CDHR3: variants seen among roughly 807,000 people sequenced by gnomAD.
The protein encoded by CDHR3 is cadherin related family member 3.
In CDHR3, 79 loss-of-function variants were observed where a neutral mutation model predicts 86.6. That is an observed-to-expected ratio of 0.91 (90% CI 0.76 to 1.10). The LOEUF (loss-of-function observed/expected upper bound fraction) is 1.10, where lower values mean the gene tolerates loss of function less well. CDHR3 is among the 50% of genes least tolerant of loss of function. The probability of loss-of-function intolerance (pLI) is 0.00; values close to 1 mark genes in which losing one functional copy is unlikely to be tolerated. For synonymous variants in CDHR3, 421 were observed against 402.4 expected (o/e 1.05, Z -0.55); for missense variants, 1,081 against 1,077.6 (o/e 1.00, Z -0.04).
intron 8 of CDHR3, among the ~76,000 whole-genome samples, chr7:106,012,285 T>C (rs971943462): frequency 1.1e-4 from 17 of 151,414 alleles, no homozygotes; most frequent in Non-Finnish European, 1.0e-4. Context: ...AAGAGGGGAA[T>C]AGGAGAGGAA....
At chr7:106,016,529 G>C (rs563763557) in intron 11 of CDHR3, among the ~76,000 whole-genome samples, 14 of 151,960 alleles carry the variant, frequency 9.2e-5, no homozygotes, top group African/African-American at 3.4e-4. Context: ...CCCCTTTAAG[G>C]AAAAGACTCA....
At chr7:105,984,651 C>G (rs1162626922) in intron 4 of CDHR3, among the ~76,000 whole-genome samples, 2 of 151,822 alleles carry the variant, frequency 1.3e-5, no homozygotes, top group Non-Finnish European at 2.9e-5. Context: ...CAAAACTGCT[C>G]AATATTTTAA....
Position 106,013,030 on chromosome 7 carries a change from TG to T in CDHR3, c.1224+1del. ...LQDPAGSGKI[V>X]LIGDLDYENP... ...GATCCAGCTGGCTCTGGGAAGATTGTGGTCAGTTAATGGTCATTGCATCATT... is the reference window on the plus strand; with the variant it reads ...GATCCAGCTGGCTCTGGGAAGATTGTGTCAGTTAATGGTCATTGCATCATT... On this transcript the variant is annotated frameshift_variant and splice_region_variant, in exon 9 of 19. Transcript: ENST00000317716. LOFTEE classifies it high-confidence loss of function. 1 of 1,599,086 alleles carries T rather than the reference TG, an allele frequency of 6.3e-7. No individual in the cohort carries two copies. Among genetic ancestry groups the T allele is most frequent in the Middle Eastern group, 1.7e-4 (1 of 5,960 alleles).
chr7:106,031,342 T>A (rs988222834), intron 18 of CDHR3, among the ~76,000 whole-genome samples: 2 of 152,174 alleles, frequency 1.3e-5, no homozygotes, highest in Non-Finnish European at 2.9e-5. Context: ...AAGATGAACA[T>A]AAGGTAGAGC....
intron 1 of CDHR3, among the ~76,000 whole-genome samples, chr7:105,965,567 A>ACCCCCCC (rs56177648): frequency 8.9e-5 from 7 of 78,258 alleles, no homozygotes; most frequent in Non-Finnish European, 1.9e-4. Flanking sequence ...CTCAAGCCCC[A>ACCCCCCC]CCCCCCCCCA....
chr7:106,024,392 C>T lies in CDHR3; in HGVS notation c.2088C>T (p.Thr696=). ...IITTTPRPRV[T]YQVLRKNVYS... ...CTCTGTTGTTCAAGCCCAGGGTCAC[C>T]TATCAGGTCCTGAGGAAAAACGTTT... Residue 696 remains threonine (T), a synonymous_variant, in exon 15 of 19, where the codon ACC becomes ACT. Transcript: ENST00000317716. 6.2e-7 allele frequency: 1 copy of T among 1,613,982 alleles called. No homozygotes were observed. The highest frequency in any genetic ancestry group is 8.5e-7 in the Non-Finnish European group (1 of 1,179,872).
intron 16 of CDHR3, among the ~76,000 whole-genome samples, chr7:106,027,011 G>A (rs906379931): frequency 3.3e-5 from 5 of 152,238 alleles, no homozygotes; most frequent in Non-Finnish European, 5.9e-5. Flanking sequence ...AACTCTCCGT[G>A]TGTTAAATGT....
intron 17 of CDHR3, among the ~76,000 whole-genome samples, chr7:106,029,843 A>G (rs1563313478): frequency 6.6e-6 from 1 of 152,158 alleles, no homozygotes; most frequent in Non-Finnish European, 1.5e-5. Context: ...CCTGGGTCTT[A>G]TTGTCTAAGG....
chr7:105,978,760 C>T (rs41267), intron 2 of CDHR3, among the ~76,000 whole-genome samples: 103,439 of 152,054 alleles, frequency 0.68, 37,399 homozygotes, highest in Non-Finnish European at 0.79. Flanking sequence ...AGAGCAACCC[C>T]ATTCTTTTGG....
Position 106,030,829 on chromosome 7 carries a change from C to A in CDHR3, c.2342C>A (p.Ala781Asp). The A allele has an allele frequency of 6.2e-7, 1 of 1,610,836 alleles. No individual in the cohort carries two copies. Among genetic ancestry groups the A allele is most frequent in the Admixed American group, 1.7e-5 (1 of 59,630 alleles). ...ATGAACACTATCTTTGATGGAGAAG[C>A]CATAGATCCAGGTAATTAAGTGGCA... ...IQMNTIFDGEAIDPVTGETYE... is the reference protein window; with the variant it reads ...IQMNTIFDGEDIDPVTGETYE... Residue 781 changes from alanine to aspartate, a missense_variant, in exon 18 of 19, where the codon GCC (alanine) becomes GAC (aspartate). By Grantham distance (126) the Ala-to-Asp change is moderately radical. Transcript: ENST00000317716. This position sits in a 1 kb window ranked among gnomAD's most constrained non-coding sequence, Gnocchi z 4.8.
intron 11 of CDHR3, 142 bp downstream of exon 11, chr7:106,016,167 C>T: frequency 1.7e-6 from 1 of 591,542 alleles, no homozygotes; most frequent in Non-Finnish European, 3.0e-6. Flanking sequence ...ATTTATTGCA[C>T]CTCTTATTTC....
intron 2 of CDHR3, among the ~76,000 whole-genome samples, chr7:105,978,202 G>A (rs969425160): frequency 6.6e-6 from 1 of 152,158 alleles, no homozygotes; most frequent in African/African-American, 2.4e-5. Flanking sequence ...CAAGAGGGAT[G>A]TCCTCATTCA....
intron 9 of CDHR3, among the ~76,000 whole-genome samples, chr7:106,014,127 AT>A (rs1190755718): frequency 6.6e-6 from 1 of 151,878 alleles, no homozygotes; most frequent in African/African-American, 2.4e-5. Context: ...TGCCTGGCTT[AT>A]TTTTTAGCTT....
In CDHR3 at chr7:105,985,660, TA is replaced by T. The variant is rs779792800; in HGVS notation, c.513+1383del. Among the ~76,000 whole-genome samples the T allele has an allele frequency of 1.5e-3, 214 of 146,606 alleles. 1 individual carries two copies. Among genetic ancestry groups the T allele is most frequent in the Middle Eastern group, 3.6e-3 (1 of 278 alleles). ...TTTATTAGAAGATGATCCTTCTGTGTAAAAAAAAAAAATCACCCATTCATTC... is the reference window on the plus strand; with the variant it reads ...TTTATTAGAAGATGATCCTTCTGTGTAAAAAAAAAAATCACCCATTCATTC... On this transcript the variant is annotated intron_variant, in intron 4 of 18. Coordinates refer to ENST00000317716, the MANE Select transcript of CDHR3 (RefSeq NM_152750.5).
chr7:105,984,367 C>T (rs866248977), intron 4 of CDHR3, 78 bp downstream of exon 4: 90 of 1,134,486 alleles, frequency 7.9e-5, no homozygotes, highest in African/African-American at 2.6e-4. Flanking sequence ...TGAGTCTTGG[C>T]GGGGTGAGTT....
At chr7:106,031,120 C>T (rs1838282698) in intron 18 of CDHR3, among the ~76,000 whole-genome samples, 1 of 152,220 alleles carries the variant, frequency 6.6e-6, no homozygotes, top group African/African-American at 2.4e-5. Flanking sequence ...TTCTTGCCTC[C>T]CTTCCTAAAT....
At chr7:105,989,363 A>G (rs1831015616) in intron 4 of CDHR3, among the ~76,000 whole-genome samples, 1 of 151,428 alleles carries the variant, frequency 6.6e-6, no homozygotes, top group Admixed American at 6.6e-5. Flanking sequence ...CAGGATGTTA[A>G]TCAATCTCTC....
intron 4 of CDHR3, among the ~76,000 whole-genome samples, chr7:105,985,795 TTAA>T (rs1339810937): frequency 2.0e-5 from 3 of 152,254 alleles, no homozygotes; most frequent in African/African-American, 7.2e-5. Flanking sequence ...TGCATACTTC[TTAA>T]TAACATACTT....
At chr7:106,028,916 T>TTTTCTTTCTTTCTTTCTTTTTCTTTC (rs1837801912) in intron 17 of CDHR3, among the ~76,000 whole-genome samples, 19 of 83,080 alleles carry the variant, frequency 2.3e-4, no homozygotes, top group Non-Finnish European at 3.1e-4. Flanking sequence ...GAGATTTAAA[T>TTTTCTTTCTTTCTTTCTTTTTCTTTC]TTTCTTTCTT....
Sources: gnomAD v4.1 joint callset for allele counts (sites outside exome capture counted in the v4.1 genomes callset) on GRCh38, gnomAD v4.1.1 for gene constraint, Gnocchi (gnomAD v3.1) non-coding constraint, MANE v1.5 for transcripts, NCBI Gene and HGNC (gene_info 2026-07-23, HGNC 2026-07-21) for gene names.